The following MGAT4C variants were observed in gnomAD, a reference collection of about 807,000 sequenced individuals.
MGAT4C encodes the protein MGAT4 family member C, also known as alpha-1,3-mannosyl-glycoprotein 4-beta-N-acetylglucosaminyltransferase C.
MGAT4C carries 19 observed loss-of-function variants against 40.1 expected under a neutral mutation model. The ratio of observed to expected loss-of-function variants is 0.47; its 90% CI spans 0.33 to 0.70. The LOEUF is 0.70. Among genes scored for constraint, MGAT4C ranks in the 30% least tolerant of loss-of-function variants. MGAT4C has a pLI of 0.02. For synonymous variants in MGAT4C, 181 were observed against 187.1 expected (o/e 0.97, Z 0.27); for missense variants, 491 against 563.2 (o/e 0.87, Z 1.30).
intron 1 of MGAT4C, among the ~76,000 whole-genome samples, chr12:86,751,840 A>G (rs1951235024): frequency 6.6e-6 from 1 of 152,086 alleles, no homozygotes; most frequent in Non-Finnish European, 1.5e-5. Flanking sequence ...AAATGTGATA[A>G]TACTATTATA....
intron 1 of MGAT4C, among the ~76,000 whole-genome samples, chr12:86,215,114 A>C (rs1360529058): frequency 9.8e-6 from 1 of 102,504 alleles, no homozygotes; most frequent in Non-Finnish European, 2.2e-5. Flanking sequence ...TGTAATTAAC[A>C]AGACCCTCTT....
chr12:86,297,809 C>A (rs1056286739), intron 4 of MGAT4C, among the ~76,000 whole-genome samples: 1 of 151,978 alleles, frequency 6.6e-6, no homozygotes, highest in African/African-American at 2.4e-5. Context: ...ACTATAAAGC[C>A]ACATTAATAC....
rs1883546451 is a variant in MGAT4C at position 85,970,046 on chromosome 12, A to ATC, written c.*9242_*9243insGA. The stretch of plus-strand genomic sequence containing the variant: ...ATTTGTTTCGTTTCCTTATTGCCCT[A>ATC]GATGCCTTTTCTCTGGACCTAGATA... On this transcript the variant is annotated 3_prime_UTR_variant, in exon 5 of 5. Coordinates refer to ENST00000611864, the MANE Select transcript of MGAT4C (RefSeq NM_001351288.2). 1 of 151,286 alleles carries ATC rather than the reference A, an allele frequency of 6.6e-6. No homozygotes were observed. Among genetic ancestry groups the ATC allele is most frequent in the Non-Finnish European group, 1.5e-5 (1 of 67,396 alleles). 9.4% of individuals were successfully genotyped at this position (151,286 alleles called of 1,614,324 possible). A position where few individuals can be genotyped will look rare whatever the true frequency, so the allele number is the denominator to read the frequency against.
At chr12:86,235,237 C>A (rs1256654862) in intron 1 of MGAT4C, among the ~76,000 whole-genome samples, 2 of 152,012 alleles carry the variant, frequency 1.3e-5, no homozygotes, top group East Asian at 1.9e-4. Flanking sequence ...TCTTCTTCTT[C>A]CCCATGCTAT....
intron 2 of MGAT4C, among the ~76,000 whole-genome samples, chr12:86,593,144 A>G (rs1412967197): frequency 6.6e-6 from 1 of 151,984 alleles, no homozygotes; most frequent in African/African-American, 2.4e-5. Context: ...CCATTTCACC[A>G]AAGTTGTATA....
At chr12:86,614,397 TG>T (rs1962382555) in intron 2 of MGAT4C, among the ~76,000 whole-genome samples, 1 of 152,148 alleles carries the variant, frequency 6.6e-6, no homozygotes, top group Non-Finnish European at 1.5e-5. Context: ...GCAGTGAGTG[TG>T]GGATAAAAGC....
rs569587460 is a variant in MGAT4C, at chr12:86,513,906, G to T, written c.-228-78641C>A. Reference sequence around the variant, plus strand: ...ACAGTTCCACAAACAAGGTAGCTGTGAAAATCAGCAGCCTAGCAGTTACGA... The same window carrying T: ...ACAGTTCCACAAACAAGGTAGCTGTTAAAATCAGCAGCCTAGCAGTTACGA... On this transcript the variant is annotated intron_variant, in intron 2 of 7. Coordinates refer to the MGAT4C transcript ENST00000548651. 2.6e-5 allele frequency among the ~76,000 whole-genome samples: 4 copies of T among 152,112 alleles called. No homozygotes were observed. The South Asian group carries it at 8.3e-4, about 32-fold the overall frequency.
At chr12:86,069,819 G>GT (rs35877472) in intron 1 of MGAT4C, among the ~76,000 whole-genome samples, 5 of 151,698 alleles carry the variant, frequency 3.3e-5, no homozygotes, top group Admixed American at 6.6e-5. Context: ...CTCGGGCAAT[G>GT]TTTTTTTTCC....
intron 2 of MGAT4C, among the ~76,000 whole-genome samples, chr12:86,444,068 C>T (rs1156328654): frequency 6.6e-6 from 1 of 152,130 alleles, no homozygotes; most frequent in African/African-American, 2.4e-5. Context: ...TCTCTAGTAA[C>T]CATATTTCTA....
In MGAT4C at chr12:86,507,326, T is replaced by C. The variant is rs540644917; in HGVS notation, c.-228-72061A>G. On this transcript the variant is annotated intron_variant, in intron 2 of 7. Coordinates refer to the MGAT4C transcript ENST00000548651. ...TACGTGCACCTGCATGGGAAGAGTA[T>C]GTTTTCCATTCCACTAATATTGAGC... 2.8e-4 allele frequency among the ~76,000 whole-genome samples: 42 copies of C among 152,300 alleles called. 1 individual carries two copies. The highest frequency in any genetic ancestry group is 1.0e-3 in the African/African-American group (42 of 41,564).
chr12:86,508,555 C>T (rs1171365899), intron 2 of MGAT4C, among the ~76,000 whole-genome samples: 2 of 152,010 alleles, frequency 1.3e-5, no homozygotes, highest in African/African-American at 2.4e-5. Context: ...ATGATTTATA[C>T]TCCTTTGGGT....
chr12:86,511,725 T>C (rs1184938185), intron 2 of MGAT4C, among the ~76,000 whole-genome samples: 1 of 152,136 alleles, frequency 6.6e-6, no homozygotes, highest in Non-Finnish European at 1.5e-5. Context: ...AATTGTTTCT[T>C]GCACCGCACA....
chr12:86,644,572 A>G (rs2136526163), intron 2 of MGAT4C, among the ~76,000 whole-genome samples: 1 of 151,846 alleles, frequency 6.6e-6, no homozygotes, highest in Non-Finnish European at 1.5e-5. Context: ...CCTGTAACCT[A>G]GCAATTCTAC....
chr12:86,214,291 T>A (rs530367845), intron 1 of MGAT4C, among the ~76,000 whole-genome samples: 9 of 150,920 alleles, frequency 6.0e-5, no homozygotes, highest in Non-Finnish European at 1.3e-4. Flanking sequence ...TCAGAGATAC[T>A]TTCCCCTAGT....
intron 2 of MGAT4C, among the ~76,000 whole-genome samples, chr12:86,567,612 A>G (rs1170893917): frequency 1.3e-5 from 2 of 152,158 alleles, no homozygotes; most frequent in Non-Finnish European, 2.9e-5. Context: ...CAGATGACCC[A>G]GACACTTCAG....
intron 1 of MGAT4C, among the ~76,000 whole-genome samples, chr12:86,144,718 G>A (rs1051994591): frequency 1.1e-4 from 17 of 152,034 alleles, no homozygotes; most frequent in African/African-American, 3.9e-4. Flanking sequence ...TATCATTATA[G>A]TAAGGTTTTA....
chr12:86,742,883 CA>C (rs1297878052), intron 1 of MGAT4C, among the ~76,000 whole-genome samples: 1 of 151,494 alleles, frequency 6.6e-6, no homozygotes, highest in East Asian at 1.9e-4. Flanking sequence ...TTGTTATTCC[CA>C]AACTAAAGCT....
chr12:86,632,942 T>C (rs1963106615), intron 2 of MGAT4C, among the ~76,000 whole-genome samples: 1 of 151,958 alleles, frequency 6.6e-6, no homozygotes. Flanking sequence ...GAAATAACTA[T>C]TGGGATTTAA....
Position 85,973,677 on chromosome 12 carries a change from T to C in MGAT4C, c.*5612A>G, listed in dbSNP as rs1883748660. 1 of 150,888 alleles carries C rather than the reference T, an allele frequency of 6.6e-6. No homozygotes were observed. Among genetic ancestry groups the C allele is most frequent in the Non-Finnish European group, 1.5e-5 (1 of 67,100 alleles). 9.3% of individuals were successfully genotyped at this position (150,888 alleles called of 1,614,324 possible). A position where few individuals can be genotyped will look rare whatever the true frequency, so the allele number is the denominator to read the frequency against. ...TGATCATGCTATATTCTTAATTTAA[T>C]TGTACTTCTATGGTCATATACAATT... On this transcript the variant is annotated 3_prime_UTR_variant, in exon 5 of 5. Transcript: ENST00000611864.
Sources: allele counts gnomAD v4.1 joint callset (sites outside exome capture counted in the v4.1 genomes callset), GRCh38; gene constraint gnomAD v4.1.1; transcripts MANE v1.5; gene names NCBI Gene and HGNC (gene_info 2026-07-23, HGNC 2026-07-21).